PRMT3: variants seen among roughly 807,000 people sequenced by gnomAD.
The protein encoded by PRMT3 is protein arginine methyltransferase 3, also known as protein arginine N-methyltransferase 3.
A neutral mutation model predicts 71.9 loss-of-function variants in PRMT3; 62 were observed. The ratio of observed to expected loss-of-function variants is 0.86; its 90% CI spans 0.70 to 1.07. The LOEUF (loss-of-function observed/expected upper bound fraction) is 1.07. Ranked by LOEUF, PRMT3 falls within the 50% of genes least tolerant of loss-of-function variation. The probability of loss-of-function intolerance (pLI) is 0.00; values close to 1 mark genes in which losing one functional copy is unlikely to be tolerated. For missense variants in PRMT3, 663 were observed against 643.0 expected, an observed-to-expected ratio of 1.03 and a Z score of -0.34; for synonymous variants, 213 against 220.4, an observed-to-expected ratio of 0.97 and a Z score of 0.30.
intron 9 of PRMT3, among the ~76,000 whole-genome samples, chr11:20,413,355 G>A (rs752845478): frequency 6.6e-6 from 1 of 152,076 alleles, no homozygotes; most frequent in South Asian, 2.1e-4. Context: ...TGAGGAGGCC[G>A]CATAGCATGC....
At chr11:20,428,942 T>C (rs1003938007) in intron 10 of PRMT3, among the ~76,000 whole-genome samples, 3 of 152,236 alleles carry the variant, frequency 2.0e-5, no homozygotes, top group African/African-American at 7.2e-5. Flanking sequence ...CCCTGGGTTC[T>C]TGTAGCAGTA....
Position 20,462,174 on chromosome 11 carries a change from G to A in PRMT3, c.1260+7G>A. ...AGAACCTTGTGGTATTAAGGTAGGT[G>A]TTTTACCAACTTTATTTTTTATAAT... On this transcript the variant is annotated splice_region_variant and intron_variant, in intron 12 of 15. Coordinates refer to ENST00000331079, the MANE Select transcript of PRMT3 (RefSeq NM_005788.4). 1.3e-6 allele frequency: 2 copies of A among 1,548,754 alleles called. No individual in the cohort carries two copies. Among genetic ancestry groups the A allele is most frequent in the East Asian group, 2.3e-5 (1 of 43,812 alleles).
chr11:20,457,637 A>G (rs1281432757), intron 11 of PRMT3, among the ~76,000 whole-genome samples: 1 of 152,236 alleles, frequency 6.6e-6, no homozygotes, highest in African/African-American at 2.4e-5. Flanking sequence ...TGAGATTAGC[A>G]GTAGGTTTAT....
intron 10 of PRMT3, among the ~76,000 whole-genome samples, chr11:20,429,339 C>T (rs1160892024): frequency 1.3e-5 from 2 of 152,126 alleles, no homozygotes; most frequent in Admixed American, 6.5e-5. Flanking sequence ...TGACAGGAGG[C>T]GGAGCTCAGG....
intron 15 of PRMT3, among the ~76,000 whole-genome samples, chr11:20,495,145 C>T (rs1000532256): frequency 6.6e-6 from 1 of 152,094 alleles, no homozygotes; most frequent in Admixed American, 6.6e-5. Flanking sequence ...TCTCCTGCCT[C>T]AGTCTCCCAA....
intron 9 of PRMT3, among the ~76,000 whole-genome samples, chr11:20,425,602 A>G (rs1428101693): frequency 6.6e-6 from 1 of 152,230 alleles, no homozygotes; most frequent in Non-Finnish European, 1.5e-5. Flanking sequence ...ACACAAAAGC[A>G]TACATGAAAC....
chr11:20,432,739 C>T (rs1849681323), intron 10 of PRMT3, among the ~76,000 whole-genome samples: 1 of 152,116 alleles, frequency 6.6e-6, no homozygotes, highest in Admixed American at 6.5e-5. Context: ...TTTTTGATAA[C>T]AGCCGTTCTA....
At chr11:20,507,265 G>A (rs1165915343) in intron 15 of PRMT3, among the ~76,000 whole-genome samples, 2 of 152,164 alleles carry the variant, frequency 1.3e-5, no homozygotes, top group Admixed American at 6.5e-5. Context: ...TGCCTATTGT[G>A]TAATTGTTAG....
intron 9 of PRMT3, among the ~76,000 whole-genome samples, chr11:20,424,699 T>C (rs568587572): frequency 6.6e-5 from 10 of 152,312 alleles, no homozygotes; most frequent in East Asian, 1.9e-4. Context: ...TTAAAAACTT[T>C]AGCTATTCAA....
Position 20,388,067 on chromosome 11 carries a change from A to G in PRMT3, c.77A>G (p.Asp26Gly). The G allele has an allele frequency of 6.2e-7, 1 of 1,614,046 alleles. No homozygotes were observed. The highest frequency in any genetic ancestry group is 8.5e-7 in the Non-Finnish European group (1 of 1,180,004). ...GAGGAGGACCTGCCAGAACTGTCGG[A>G]CAGCGGGGACGAGGCCGCCTGGGAG... Reference protein sequence around the residue: ...ENEEDLPELSDSGDEAAWEDE... With the variant: ...ENEEDLPELSGSGDEAAWEDE... The change falls in exon 2 of 16, where the codon GAC becomes GGC. Residue 26 changes from aspartate (D) to glycine (G), a missense_variant. Transcript: ENST00000331079.
chr11:20,396,870 A>C (rs1288475931), intron 6 of PRMT3, among the ~76,000 whole-genome samples: 1 of 152,178 alleles, frequency 6.6e-6, no homozygotes, highest in African/African-American at 2.4e-5. Flanking sequence ...TATACCTCAC[A>C]GGCCTTCCTG....
At chr11:20,463,797 T>C (rs190388266) in intron 12 of PRMT3, among the ~76,000 whole-genome samples, 3 of 152,278 alleles carry the variant, frequency 2.0e-5, no homozygotes, top group Admixed American at 1.3e-4. Flanking sequence ...ACTGCTGTAG[T>C]TGAAAGGTGA....
chr11:20,483,003 T>G (rs60601528), intron 13 of PRMT3, among the ~76,000 whole-genome samples: 3 of 152,030 alleles, frequency 2.0e-5, no homozygotes, highest in African/African-American at 7.2e-5. Flanking sequence ...CTTTCTACCT[T>G]ACTTTTCAAA....
Position 20,397,715 on chromosome 11 carries a change from G to A in PRMT3, c.699G>A (p.Met233Ile), listed in dbSNP as rs1436751260. ...GGCATTATGGGATACATGAAGAAAT[G>A]CTAAAGGTTAGAAAAGAACACAAAT... Reference protein sequence around the residue: ...SYGHYGIHEEMLKDKIRTESY... With the variant: ...SYGHYGIHEEILKDKIRTESY... Residue 233 changes from methionine (M) to isoleucine (I), a missense_variant, in exon 7 of 16, where the codon ATG (methionine) becomes ATA (isoleucine). By Grantham distance (10) the Met-to-Ile change is conservative (BLOSUM62 1). Coordinates refer to ENST00000331079, the MANE Select transcript of PRMT3 (RefSeq NM_005788.4). The A allele has an allele frequency of 6.2e-7, 1 of 1,613,436 alleles. No homozygotes were observed. Among genetic ancestry groups the A allele is most frequent in the Non-Finnish European group, 8.5e-7 (1 of 1,179,844 alleles).
intron 15 of PRMT3, among the ~76,000 whole-genome samples, chr11:20,501,257 A>C (rs531262789): frequency 1.3e-5 from 2 of 152,198 alleles, no homozygotes; most frequent in Non-Finnish European, 2.9e-5. Flanking sequence ...TAGAAGTTCA[A>C]CATCTTAGTG....
In PRMT3 at chr11:20,464,522, A is replaced by T; in HGVS notation, c.1323A>T (p.Lys441Asn). ...AATTTTCATCAGATTTTACCCTGAA[A>T]ATCACAAGGACATCCATGTGCACGG... ...DLEFSSDFTL[K>N]ITRTSMCTAI... The change falls in exon 13 of 16, where the codon AAA (lysine) becomes AAT (asparagine). Residue 441 changes from lysine (K) to asparagine (N), a missense_variant. Physicochemically the swap from Lys to Asn is moderately conservative, Grantham distance 94. Transcript: ENST00000331079. The T allele has an allele frequency of 2.5e-6, 4 of 1,612,578 alleles. No individual in the cohort carries two copies. The highest frequency in any genetic ancestry group is 3.4e-6 in the Non-Finnish European group (4 of 1,179,330).
chr11:20,436,833 T>C (rs545700675), intron 10 of PRMT3, among the ~76,000 whole-genome samples: 2 of 152,212 alleles, frequency 1.3e-5, no homozygotes, highest in Non-Finnish European at 2.9e-5. Flanking sequence ...CCTCTTGATT[T>C]TCTGGAAGAG....
In PRMT3 at chr11:20,395,893, A is replaced by T; in HGVS notation, c.491A>T (p.His164Leu). Reference sequence around the variant, plus strand: ...ACATCTGTTGTTGAAAAATTGAAACATATGGAAGCCAGGGCACTGTCTGCT... The same window carrying T: ...ACATCTGTTGTTGAAAAATTGAAACTTATGGAAGCCAGGGCACTGTCTGCT... ...ENTSVVEKLK[H>L]MEARALSAEA... The change falls in exon 6 of 16, where the codon CAT becomes CTT. Residue 164 changes from histidine to leucine, a missense_variant. Physicochemically the swap from His to Leu is moderately conservative, Grantham distance 99 (BLOSUM62 -3). Coordinates refer to ENST00000331079, the MANE Select transcript of PRMT3 (RefSeq NM_005788.4). 6.2e-7 allele frequency: 1 copy of T among 1,614,212 alleles called. No homozygotes were observed. Among genetic ancestry groups the T allele is most frequent in the Non-Finnish European group, 8.5e-7 (1 of 1,180,030 alleles).
At chr11:20,478,964 A>C (rs751165314) in intron 13 of PRMT3, among the ~76,000 whole-genome samples, 7 of 152,196 alleles carry the variant, frequency 4.6e-5, no homozygotes, top group Non-Finnish European at 8.8e-5. Context: ...ACTAATTATT[A>C]AAACAATTAT....
Sources: gnomAD v4.1 joint callset for allele counts (sites outside exome capture counted in the v4.1 genomes callset) on GRCh38, gnomAD v4.1.1 for gene constraint, MANE v1.5 for transcripts, NCBI Gene and HGNC (gene_info 2026-07-23, HGNC 2026-07-21) for gene names.